The following TMEFF1 variants were observed in gnomAD, a reference collection of about 807,000 sequenced individuals.
TMEFF1 encodes tomoregulin-1.
In TMEFF1, 20 loss-of-function variants were observed where a neutral mutation model predicts 47.5. The observed-to-expected ratio is 0.42, with a 90% CI of 0.30 to 0.61. The LOEUF (loss-of-function observed/expected upper bound fraction) is 0.61, where lower values mean the gene tolerates loss of function less well. Ranked by LOEUF, TMEFF1 falls within the 20% of genes least tolerant of loss-of-function variation. The pLI, the probability that TMEFF1 is intolerant of heterozygous loss-of-function variation, is 0.19. For synonymous variants in TMEFF1, 162 were observed against 166.3 expected, an observed-to-expected ratio of 0.97 and a Z score of 0.20; for missense variants, 411 against 471.1, an observed-to-expected ratio of 0.87 and a Z score of 1.18.
intron 5 of TMEFF1, among the ~76,000 whole-genome samples, chr9:100,527,153 A>C (rs560427362): frequency 1.3e-5 from 2 of 151,994 alleles, no homozygotes; most frequent in East Asian, 1.9e-4. Flanking sequence ...AAAAAAAAAA[A>C]ACAAAACTAC....
intron 5 of TMEFF1, among the ~76,000 whole-genome samples, chr9:100,538,010 C>T (rs926121519): frequency 1.3e-5 from 2 of 151,708 alleles, no homozygotes; most frequent in African/African-American, 2.4e-5. Context: ...TGATTGAATG[C>T]GCAAAAATGA....
intron 5 of TMEFF1, among the ~76,000 whole-genome samples, chr9:100,533,006 C>T (rs771488174): frequency 6.8e-6 from 1 of 147,180 alleles, no homozygotes; most frequent in Non-Finnish European, 1.5e-5. Context: ...CAAAACACTG[C>T]ATATTCTCAC....
chr9:100,477,699 C>G (rs1008374538), intron 1 of TMEFF1, among the ~76,000 whole-genome samples: 3 of 145,058 alleles, frequency 2.1e-5, no homozygotes, highest in African/African-American at 5.2e-5. Flanking sequence ...GATCTCGGCT[C>G]ACTGTAACCT....
At chr9:100,485,539 C>G (rs144799324) in intron 1 of TMEFF1, among the ~76,000 whole-genome samples, 3 of 152,188 alleles carry the variant, frequency 2.0e-5, no homozygotes, top group Non-Finnish European at 4.4e-5. Context: ...TTGTTATAAC[C>G]AACCATCTTC....
At chr9:100,501,623 T>C (rs376535486) in intron 2 of TMEFF1, among the ~76,000 whole-genome samples, 17 of 152,052 alleles carry the variant, frequency 1.1e-4, no homozygotes, top group African/African-American at 3.1e-4. Flanking sequence ...CCTGCTGCTT[T>C]GATTTATTTA....
intron 5 of TMEFF1, among the ~76,000 whole-genome samples, chr9:100,531,665 A>C (rs1838380749): frequency 1.3e-5 from 2 of 152,084 alleles, no homozygotes; most frequent in Non-Finnish European, 2.9e-5. Flanking sequence ...ATACTGCCCA[A>C]GGTAATTTAC....
chr9:100,576,745 C>A lies in TMEFF1; in HGVS notation c.*145C>A. 9.9e-7 allele frequency: 1 copy of A among 1,014,798 alleles called. No individual in the cohort carries two copies. The highest frequency in any genetic ancestry group is 1.4e-6 in the Non-Finnish European group (1 of 715,092). The allele number at this position is 1,014,798 out of a possible 1,614,324, so 62.9% of individuals were successfully genotyped here. A position where few individuals can be genotyped will look rare whatever the true frequency, so the allele number is the denominator to read the frequency against. On this transcript the variant is annotated 3_prime_UTR_variant, in exon 10 of 10. Transcript: ENST00000374879. Reference sequence around the variant, plus strand: ...GGCTCGTATTTAGAATATTCAGCTACGACAGTTTTGGACTGTTTAGTAGTC... The same window carrying A: ...GGCTCGTATTTAGAATATTCAGCTAAGACAGTTTTGGACTGTTTAGTAGTC...
chr9:100,507,013 G>A (rs1050979010), intron 2 of TMEFF1, among the ~76,000 whole-genome samples: 102 of 152,076 alleles, frequency 6.7e-4, no homozygotes, highest in African/African-American at 2.4e-3. Flanking sequence ...TTCAGTGCTT[G>A]CCTTTCTCCC....
chr9:100,541,068 T>G (rs1315635539), intron 5 of TMEFF1, among the ~76,000 whole-genome samples: 1 of 152,188 alleles, frequency 6.6e-6, no homozygotes, highest in Non-Finnish European at 1.5e-5. Flanking sequence ...TTTGATCTCC[T>G]AAATCTTTAT....
chr9:100,569,267 C>T (rs888271503), intron 8 of TMEFF1, among the ~76,000 whole-genome samples: 13 of 152,100 alleles, frequency 8.5e-5, no homozygotes, highest in African/African-American at 2.4e-4. Context: ...CTGGCATATA[C>T]GGTGGCTTTG....
rs11999630 is a variant in TMEFF1 at position 100,481,523 on chromosome 9, G to A, written c.196+7783G>A. On this transcript the variant is annotated intron_variant, in intron 1 of 9. Transcript: ENST00000374879. Reference sequence around the variant, plus strand: ...GAAATACTAAATTGCGGGGATTAAGGCAGGAGATTATGCCACCACATTAAG... The same window carrying A: ...GAAATACTAAATTGCGGGGATTAAGACAGGAGATTATGCCACCACATTAAG... 6.6e-3 allele frequency among the ~76,000 whole-genome samples: 1,001 copies of A among 152,298 alleles called. 15 individuals carry two copies. Among genetic ancestry groups the A allele is most frequent in the African/African-American group, 0.023 (946 of 41,540 alleles).
At chr9:100,575,210 A>G (rs1267943735) in intron 9 of TMEFF1, among the ~76,000 whole-genome samples, 1 of 152,200 alleles carries the variant, frequency 6.6e-6, no homozygotes, top group Non-Finnish European at 1.5e-5. Flanking sequence ...CGGCTGTCAC[A>G]TGGGAGGAAT....
chr9:100,501,420 CA>C (rs1275002061), intron 2 of TMEFF1, among the ~76,000 whole-genome samples: 1 of 151,856 alleles, frequency 6.6e-6, no homozygotes, highest in Non-Finnish European at 1.5e-5. Flanking sequence ...TATTTGTTAC[CA>C]TTTTTTTTTG....
chr9:100,546,747 G>A (rs1364285279), intron 5 of TMEFF1, among the ~76,000 whole-genome samples: 1 of 152,192 alleles, frequency 6.6e-6, no homozygotes, highest in African/African-American at 2.4e-5. Flanking sequence ...AGGAAGGTTA[G>A]TAAAGGTTCC....
At position 100,572,612 on chromosome 9, in the gene TMEFF1, A is replaced by G. The variant is rs867856421; in HGVS notation, c.994A>G (p.Ile332Val). The G allele has an allele frequency of 1.2e-6, 2 of 1,613,558 alleles. No homozygotes were observed. Among genetic ancestry groups the G allele is most frequent in the African/African-American group, 2.7e-5 (2 of 74,984 alleles). Residue 332 changes from isoleucine (I) to valine (V), a missense_variant, in exon 9 of 10, where the codon ATT becomes GTT. Coordinates refer to ENST00000374879, the MANE Select transcript of TMEFF1 (RefSeq NM_003692.5). ...PSRQKLTHVL[I>V]AAIIGAVQIA... ...TAGGCAAAAGCTCACTCATGTTCTT[A>G]TTGCAGCAATTATTGGAGCTGTACA... is the stretch of plus-strand genomic sequence containing the variant.
intron 7 of TMEFF1, among the ~76,000 whole-genome samples, chr9:100,550,638 G>C (rs1378079651): frequency 6.6e-6 from 1 of 152,138 alleles, no homozygotes; most frequent in Non-Finnish European, 1.5e-5. Flanking sequence ...TATATTAGAT[G>C]CCTTTCCTGT....
chr9:100,520,184 A>T (rs1168648841), intron 5 of TMEFF1, among the ~76,000 whole-genome samples: 1 of 152,132 alleles, frequency 6.6e-6, no homozygotes, highest in Non-Finnish European at 1.5e-5. Flanking sequence ...GGTGGCTTAC[A>T]TCTGTAATCT....
intron 1 of TMEFF1, among the ~76,000 whole-genome samples, chr9:100,494,708 T>C (rs770723287): frequency 7.2e-5 from 11 of 152,192 alleles, no homozygotes; most frequent in Non-Finnish European, 1.2e-4. Context: ...GGGTACTTTG[T>C]TTCCCTGAAC....
chr9:100,493,761 A>G (rs746182361), intron 1 of TMEFF1, among the ~76,000 whole-genome samples: 1 of 152,198 alleles, frequency 6.6e-6, no homozygotes. Flanking sequence ...ATTGACAGGT[A>G]GTAGAATGTC....
Sources: gnomAD v4.1 joint callset for allele counts (sites outside exome capture counted in the v4.1 genomes callset) on GRCh38, gnomAD v4.1.1 for gene constraint, MANE v1.5 for transcripts, NCBI Gene and HGNC (gene_info 2026-07-23, HGNC 2026-07-21) for gene names.